The following ERCC5 variants were observed in gnomAD, a reference collection of about 807,000 sequenced individuals.
The protein encoded by ERCC5 is ERCC excision repair 5, endonuclease.
A neutral mutation model predicts 105.6 loss-of-function variants in ERCC5; 68 were observed. The ratio of observed to expected loss-of-function variants is 0.64; its 90% CI spans 0.53 to 0.79. The LOEUF is 0.79. Ranked by LOEUF, ERCC5 falls within the 30% of genes least tolerant of loss-of-function variation. ERCC5 has a pLI of 0.00. For synonymous variants in ERCC5, 546 were observed against 526.2 expected (o/e 1.04, Z -0.51); for missense variants, 1,373 against 1,426.7 (o/e 0.96, Z 0.61).
chr13:102,851,868 G>A (rs953915190), intron 1 of ERCC5, among the ~76,000 whole-genome samples: 2 of 151,846 alleles, frequency 1.3e-5, no homozygotes, highest in African/African-American at 4.8e-5. Flanking sequence ...TTTGCAATGA[G>A]ACTTCTTAAA....
At position 102,874,544 on chromosome 13, in the gene ERCC5, C is replaced by T. The variant is rs753166742; in HGVS notation, c.2965-763C>T. Among the ~76,000 whole-genome samples the T allele has an allele frequency of 8.6e-5, 13 of 151,874 alleles. 1 individual carries two copies. In the South Asian group the frequency reaches 1.2e-3, roughly 15 times the overall value. On this transcript the variant is annotated intron_variant, in intron 14 of 14. Transcript: ENST00000652225. ...TTACCCATATATTTTTTTTTTGAGA[C>T]GGAGTCTCACTCTGTCTCCCAGGCT...
chr13:102,848,760 A>G (rs1882077938), intron 1 of ERCC5, among the ~76,000 whole-genome samples: 1 of 152,160 alleles, frequency 6.6e-6, no homozygotes, highest in African/African-American at 2.4e-5. Context: ...CTCATTTTTC[A>G]TATTTCTTGT....
At chr13:102,863,137 G>A (rs142607884) in intron 8 of ERCC5, 34 bp downstream of exon 8, 13 of 1,601,088 alleles carry the variant, frequency 8.1e-6, no homozygotes, top group Middle Eastern at 1.7e-4. Context: ...AATCTGGAAC[G>A]GTAGGATTTC....
chr13:102,864,425 T>C (rs924229970), intron 8 of ERCC5, among the ~76,000 whole-genome samples: 3 of 152,300 alleles, frequency 2.0e-5, no homozygotes, highest in Non-Finnish European at 4.4e-5. Context: ...GAAGATCTTT[T>C]CCTTCTCCCC....
intron 4 of ERCC5, among the ~76,000 whole-genome samples, chr13:102,855,504 G>A (rs1010182764): frequency 6.6e-6 from 1 of 152,150 alleles, no homozygotes; most frequent in Non-Finnish European, 1.5e-5. Flanking sequence ...ACCTGCCTCG[G>A]CCTCCCAAAG....
Position 102,862,157 on chromosome 13 carries a change from T to A in ERCC5, c.1008T>A (p.Asp336Glu), listed in dbSNP as rs1276244992. ...CEKLKTEKEP[D>E]ATPPSPRTLL... ...AACTGAAGACAGAGAAAGAGCCTGATGCTACCCCTCCTTCTCCAAGAACTT... is the reference window on the plus strand; with the variant it reads ...AACTGAAGACAGAGAAAGAGCCTGAAGCTACCCCTCCTTCTCCAAGAACTT... Residue 336 changes from aspartate to glutamate, a missense_variant, in exon 8 of 15, where the codon GAT (aspartate) becomes GAA (glutamate). Asp to Glu is a conservative substitution (Grantham distance 45, BLOSUM62 2). Transcript: ENST00000652225. 5 of 1,614,106 alleles carry A rather than the reference T, an allele frequency of 3.1e-6. No homozygotes were observed. The highest frequency in any genetic ancestry group is 1.3e-5 in the African/African-American group (1 of 74,948).
At chr13:102,856,765 C>T (rs1442748612) in intron 5 of ERCC5, among the ~76,000 whole-genome samples, 5 of 152,348 alleles carry the variant, frequency 3.3e-5, no homozygotes, top group Non-Finnish European at 5.9e-5. Context: ...TGCTGGCTGT[C>T]AGCCAGTCTT....
chr13:102,849,299 C>A lies in ERCC5; in HGVS notation c.89-2819C>A, dbSNP rs144607821. ...ACTGGTTTCCTTATAATCTGTTCTT[C>A]ACATGTTCATCAAAGTTATCCTTAA... On this transcript the variant is annotated intron_variant, in intron 1 of 14. Transcript: ENST00000652225. 720 of 518,600 alleles carry A rather than the reference C, an allele frequency of 1.4e-3. 4 individuals carry two copies. Among genetic ancestry groups the A allele is most frequent in the African/African-American group, 0.011 (570 of 52,058 alleles). The allele number at this position is 518,600 out of a possible 1,614,324, so 32.1% of individuals were successfully genotyped here.
At chr13:102,868,069 A>C in intron 11 of ERCC5, 44 bp from the exon 12 acceptor site, 25 of 1,572,632 alleles carry the variant, frequency 1.6e-5, no homozygotes, top group Non-Finnish European at 2.2e-5. Flanking sequence ...TAAATGTCAT[A>C]TAAGAAATCT....
At chr13:102,851,226 C>T (rs566535647) in intron 1 of ERCC5, among the ~76,000 whole-genome samples, 126 of 152,216 alleles carry the variant, frequency 8.3e-4, no homozygotes, top group African/African-American at 2.9e-3. Flanking sequence ...GACTATCTTC[C>T]TTATCACACA....
rs1344842014 is a variant in ERCC5, at chr13:102,875,846, GT to G, written c.3507del (p.Phe1169LeufsTer8). Reference sequence around the variant, plus strand: ...TGGTCCTCGTGACCGCCAGATCTGTGTTTGGGAAGAAAAGAAGGAAACTAAG... The same window carrying G: ...TGGTCCTCGTGACCGCCAGATCTGTGTTGGGAAGAAAAGAAGGAAACTAAG... ...KMVLVTARSV[F>X]GKKRRKLRRA... On this transcript the variant is annotated frameshift_variant, in exon 15 of 15. Transcript: ENST00000652225. LOFTEE classifies it low-confidence loss of function (END_TRUNC). The G allele has an allele frequency of 1.2e-6, 2 of 1,612,770 alleles. No individual in the cohort carries two copies. The highest frequency in any genetic ancestry group is 2.7e-5 in the African/African-American group (2 of 74,912).
At chr13:102,864,786 A>G (rs1882773978) in intron 8 of ERCC5, 1 of 152,156 alleles carries the variant, frequency 6.6e-6, no homozygotes, top group African/African-American at 2.4e-5. Context: ...TTTCAGCAAC[A>G]GTGCCAGGAA....
rs774741217 is a variant in ERCC5 at position 102,851,717 on chromosome 13, AATGT to A, written c.89-400_89-397del. ...TATCCATGATGATTTTCTGAGGATCAATGTCTGGAAGTGGTAAAATAGACTGCAA... is the reference window on the plus strand; with the variant it reads ...TATCCATGATGATTTTCTGAGGATCACTGGAAGTGGTAAAATAGACTGCAA... On this transcript the variant is annotated intron_variant, in intron 1 of 14. Coordinates refer to ENST00000652225, the MANE Select transcript of ERCC5 (RefSeq NM_000123.4). Among the ~76,000 whole-genome samples, 95 of 152,336 alleles carry A rather than the reference AATGT, an allele frequency of 6.2e-4. 1 individual carries two copies. Among genetic ancestry groups the A allele is most frequent in the Non-Finnish European group, 5.4e-4 (37 of 68,040 alleles).
chr13:102,871,374 G>A (rs1043893041), intron 12 of ERCC5, among the ~76,000 whole-genome samples: 1 of 152,146 alleles, frequency 6.6e-6, no homozygotes, highest in Non-Finnish European at 1.5e-5. Flanking sequence ...TTATCCGGCC[G>A]ATTTAGGCTT....
chr13:102,850,836 G>A (rs71441559), intron 1 of ERCC5, among the ~76,000 whole-genome samples: 1 of 152,168 alleles, frequency 6.6e-6, no homozygotes, highest in African/African-American at 2.4e-5. Context: ...GGTGTATGTG[G>A]AGGGGAGTGG....
chr13:102,868,256 T>G lies in ERCC5; in HGVS notation c.2677T>G (p.Ser893Ala). 6.2e-7 allele frequency: 1 copy of G among 1,614,200 alleles called. No individual in the cohort carries two copies. Among genetic ancestry groups the G allele is most frequent in the African/African-American group, 1.3e-5 (1 of 75,064 alleles). The change falls in exon 12 of 15, where the codon TCA becomes GCA. Residue 893 changes from serine to alanine, a missense_variant and splice_region_variant. Ser to Ala is a moderately conservative substitution (Grantham distance 99). Coordinates refer to ENST00000652225, the MANE Select transcript of ERCC5 (RefSeq NM_000123.4). ...GHGLEPLLKF[S>A]EWWHEAQKNP... ...TGGCCTGGAACCTCTCCTAAAATTCTCGTAAGGTCTTTTATTTCTTTAATT... is the reference window on the plus strand; with the variant it reads ...TGGCCTGGAACCTCTCCTAAAATTCGCGTAAGGTCTTTTATTTCTTTAATT...
chr13:102,855,364 C>G (rs1201345718), intron 4 of ERCC5, among the ~76,000 whole-genome samples: 1 of 152,090 alleles, frequency 6.6e-6, no homozygotes, highest in Non-Finnish European at 1.5e-5. Flanking sequence ...ATTCTCCTGC[C>G]TCAGCCTCCG....
At position 102,872,364 on chromosome 13, in the gene ERCC5, C is replaced by T. The variant is rs1883064251; in HGVS notation, c.2845C>T (p.Leu949=). The change falls in exon 13 of 15, where the codon CTG becomes TTG. Residue 949 remains leucine (L), a synonymous_variant. Transcript: ENST00000652225. ...GGTGGATGACTCGAAGGGATCCTTTCTGTGGGGGAAACCTGATCTCGACAA... is the reference window on the plus strand; with the variant it reads ...GGTGGATGACTCGAAGGGATCCTTTTTGTGGGGGAAACCTGATCTCGACAA... The part of the protein sequence containing the change: ...PVVDDSKGSF[L]WGKPDLDKIR... 6.2e-7 allele frequency: 1 copy of T among 1,614,202 alleles called. No individual in the cohort carries two copies.
intron 12 of ERCC5, among the ~76,000 whole-genome samples, chr13:102,871,879 G>T (rs1595389828): frequency 6.6e-6 from 1 of 152,084 alleles, no homozygotes; most frequent in African/African-American, 2.4e-5. Flanking sequence ...AATTCCAGCT[G>T]TGAAATCTTG....
Sources: gnomAD v4.1 joint callset for allele counts (sites outside exome capture counted in the v4.1 genomes callset) on GRCh38, gnomAD v4.1.1 for gene constraint, MANE v1.5 for transcripts, NCBI Gene and HGNC (gene_info 2026-07-23, HGNC 2026-07-21) for gene names.